Variants in ERC1 observed in about 807,000 individuals in gnomAD.
ERC1 encodes ELKS/RAB6-interacting/CAST family member 1, also known as RAB6 interacting protein 2.
A neutral mutation model predicts 132.0 loss-of-function variants in ERC1; 56 were observed. The ratio of observed to expected loss-of-function variants is 0.42; its 90% CI spans 0.34 to 0.53. ERC1 has a LOEUF of 0.53. Ranked by LOEUF, ERC1 falls within the 20% of genes least tolerant of loss-of-function variation. The probability of loss-of-function intolerance (pLI) is 0.03; values close to 1 mark genes in which losing one functional copy is unlikely to be tolerated. For synonymous variants in ERC1, 478 were observed against 476.1 expected, an observed-to-expected ratio of 1.00 and a Z score of -0.05; for missense variants, 1,202 against 1,349.9, an observed-to-expected ratio of 0.89 and a Z score of 1.72.
rs757431626 is a variant in ERC1, at chr12:1,183,327, C to T, written c.2063C>T (p.Ser688Leu). 6.3e-7 allele frequency: 1 copy of T among 1,593,518 alleles called. No homozygotes were observed. The highest frequency in any genetic ancestry group is 8.6e-7 in the Non-Finnish European group (1 of 1,166,360). The part of the protein sequence containing the change: ...LKEHASSLAS[S>L]GLKKDSRLKT... ...GAGCATGCTTCTTCTCTGGCATCCT[C>T]AGGACTGAAAAAGGACTCACGGCTT... The change falls in exon 11 of 19, where the codon TCA (serine) becomes TTA (leucine). Residue 688 changes from serine (S) to leucine (L), a missense_variant. Transcript: ENST00000360905.
intron 14 of ERC1, among the ~76,000 whole-genome samples, chr12:1,278,342 C>A (rs1320248107): frequency 1.3e-5 from 2 of 152,164 alleles, no homozygotes; most frequent in Non-Finnish European, 2.9e-5. Context: ...GTAATGGCAA[C>A]CCAGCACTCT....
At chr12:1,075,021 G>A (rs1338814763) in intron 2 of ERC1, among the ~76,000 whole-genome samples, 1 of 151,920 alleles carries the variant, frequency 6.6e-6, no homozygotes, top group Non-Finnish European at 1.5e-5. Flanking sequence ...AGGGCTTTCA[G>A]TGTGCTTTGC....
intron 2 of ERC1, among the ~76,000 whole-genome samples, chr12:1,034,150 ATTCT>A (rs1424504813): frequency 6.6e-6 from 1 of 152,122 alleles, no homozygotes; most frequent in Non-Finnish European, 1.5e-5. Flanking sequence ...CAAATATGAG[ATTCT>A]TTATATGTAT....
chr12:1,080,827 C>T (rs1032453432), intron 2 of ERC1, among the ~76,000 whole-genome samples: 1 of 152,138 alleles, frequency 6.6e-6, no homozygotes, highest in African/African-American at 2.4e-5. Flanking sequence ...GCTTCCTTAG[C>T]CACGTGGATC....
intron 16 of ERC1, among the ~76,000 whole-genome samples, chr12:1,399,530 A>C (rs1213631555): frequency 3.3e-5 from 5 of 152,218 alleles, no homozygotes; most frequent in Non-Finnish European, 7.3e-5. Context: ...TTGCTGCTCA[A>C]ATTGTTAAAT....
intron 12 of ERC1, among the ~76,000 whole-genome samples, chr12:1,202,198 G>C (rs1452760366): frequency 6.6e-6 from 1 of 152,088 alleles, no homozygotes; most frequent in Non-Finnish European, 1.5e-5. Context: ...GTTCTGTTAG[G>C]TTATCTTCCC....
chr12:1,129,189 G>T lies in ERC1; in HGVS notation c.1570-12431G>T, dbSNP rs545223395. On this transcript the variant is annotated intron_variant, in intron 7 of 18. Transcript: ENST00000360905. ...CATAGATAAACTAATCTTAAATACT[G>T]CCAGGTAGACTGGGCATGATGGCTC... Among the ~76,000 whole-genome samples, 9 of 152,224 alleles carry T rather than the reference G, an allele frequency of 5.9e-5. No individual in the cohort carries two copies. In the East Asian group the frequency reaches 1.4e-3, roughly 23 times the overall value.
intron 13 of ERC1, among the ~76,000 whole-genome samples, chr12:1,262,002 C>T (rs1351117243): frequency 2.6e-5 from 4 of 152,166 alleles, no homozygotes; most frequent in Admixed American, 2.6e-4. Context: ...TTTGAAGGTA[C>T]AGTTGTCAAA....
chr12:1,098,362 A>G (rs982382477), intron 3 of ERC1, among the ~76,000 whole-genome samples: 2 of 152,252 alleles, frequency 1.3e-5, no homozygotes, highest in African/African-American at 4.8e-5. Context: ...TATTTTATCA[A>G]GATCACCCTG....
At chr12:1,338,629 A>C (rs748605996) in intron 15 of ERC1, among the ~76,000 whole-genome samples, 2 of 152,174 alleles carry the variant, frequency 1.3e-5, no homozygotes, top group Non-Finnish European at 2.9e-5. Context: ...TTGAGTTGTC[A>C]AGAGTTCTTG....
intron 8 of ERC1, among the ~76,000 whole-genome samples, chr12:1,163,813 T>C (rs1040707190): frequency 3.3e-5 from 5 of 152,184 alleles, no homozygotes; most frequent in Non-Finnish European, 7.4e-5. Flanking sequence ...CCTCCTGGGT[T>C]CAAGCAATTC....
At chr12:1,351,936 A>C (rs1040274750) in intron 15 of ERC1, among the ~76,000 whole-genome samples, 1 of 152,192 alleles carries the variant, frequency 6.6e-6, no homozygotes, top group African/African-American at 2.4e-5. Flanking sequence ...TTATTTATAA[A>C]TTAATGGTAC....
intron 14 of ERC1, among the ~76,000 whole-genome samples, chr12:1,280,879 C>T (rs1473969625): frequency 6.6e-6 from 1 of 152,150 alleles, no homozygotes; most frequent in Non-Finnish European, 1.5e-5. Flanking sequence ...TTGATAAGGT[C>T]AAGTAAGTGT....
At chr12:1,010,220 C>G (rs1964456928) in intron 1 of ERC1, among the ~76,000 whole-genome samples, 1 of 152,094 alleles carries the variant, frequency 6.6e-6, no homozygotes, top group African/African-American at 2.4e-5. Context: ...ATGGCTCATG[C>G]CTGTAATCCC....
intron 12 of ERC1, among the ~76,000 whole-genome samples, chr12:1,209,996 T>A (rs1266530727): frequency 6.6e-6 from 1 of 152,210 alleles, no homozygotes; most frequent in African/African-American, 2.4e-5. Flanking sequence ...AGAGTCAGGT[T>A]AAGATTTCAG....
intron 18 of ERC1, among the ~76,000 whole-genome samples, chr12:1,459,921 T>C (rs947598489): frequency 6.6e-6 from 1 of 152,138 alleles, no homozygotes; most frequent in Non-Finnish European, 1.5e-5. Flanking sequence ...TAGAGTGATA[T>C]AGATAGAGAT....
chr12:1,411,555 A>G (rs1316749481), intron 17 of ERC1, among the ~76,000 whole-genome samples: 3 of 152,176 alleles, frequency 2.0e-5, no homozygotes, highest in Non-Finnish European at 2.9e-5. Flanking sequence ...CACTGGGTCA[A>G]CCAGAAAGCT....
At chr12:1,179,118 A>C (rs567228565) in intron 8 of ERC1, among the ~76,000 whole-genome samples, 1 of 152,188 alleles carries the variant, frequency 6.6e-6, no homozygotes, top group Non-Finnish European at 1.5e-5. Context: ...TTGAGTGATA[A>C]CATGCCGCTT....
At chr12:1,354,142 T>A (rs1193093904) in intron 15 of ERC1, among the ~76,000 whole-genome samples, 1 of 152,080 alleles carries the variant, frequency 6.6e-6, no homozygotes, top group African/African-American at 2.4e-5. Flanking sequence ...TCCCACGTAG[T>A]CTTTAATCGG....
Sources: allele counts gnomAD v4.1 joint callset (sites outside exome capture counted in the v4.1 genomes callset), GRCh38; gene constraint gnomAD v4.1.1; transcripts MANE v1.5; gene names NCBI Gene and HGNC (gene_info 2026-07-23, HGNC 2026-07-21).